The following MRPL1 variants were observed in gnomAD, a reference collection of about 807,000 sequenced individuals.
The protein encoded by MRPL1 is mitochondrial ribosomal protein L1.
Under a neutral mutation model 38.0 loss-of-function variants are expected in MRPL1, and 28 were observed. That is an observed-to-expected ratio of 0.74 (90% CI 0.55 to 1.01). The LOEUF (loss-of-function observed/expected upper bound fraction) is 1.01. Ranked by LOEUF, MRPL1 falls within the 50% of genes least tolerant of loss-of-function variation. The pLI is 0.00. For missense variants in MRPL1, 358 were observed against 389.8 expected (o/e 0.92, Z 0.69); for synonymous variants, 123 against 126.7 (o/e 0.97, Z 0.20).
Position 77,864,269 on chromosome 4 carries a change from CTG to C in MRPL1, c.31+1392_31+1393del, listed in dbSNP as rs901255913. Among the ~76,000 whole-genome samples the C allele has an allele frequency of 6.6e-5, 10 of 152,248 alleles. 1 individual carries two copies. In the South Asian group the frequency reaches 1.9e-3, roughly 28 times the overall value. ...TTCTCTTGGCTTCTAGGATATCTCT[CTG>C]TTAATTGTCTTCCTATTTCATGTGT... On this transcript the variant is annotated intron_variant, in intron 1 of 8. Transcript: ENST00000315567.
intron 3 of MRPL1, 65 bp from the exon 4 acceptor site, chr4:77,885,191 A>T: frequency 8.4e-7 from 1 of 1,187,400 alleles, no homozygotes; most frequent in Non-Finnish European, 1.3e-6. Flanking sequence ...TTCTTGTTTT[A>T]TATAGAGTGT....
chr4:77,932,870 G>T (rs1271154227), intron 7 of MRPL1, among the ~76,000 whole-genome samples: 2 of 151,952 alleles, frequency 1.3e-5, no homozygotes, highest in Non-Finnish European at 2.9e-5. Context: ...TACTAAAAAG[G>T]TTGGGACCAC....
intron 6 of MRPL1, among the ~76,000 whole-genome samples, chr4:77,902,650 C>G (rs1024542394): frequency 6.6e-6 from 1 of 150,512 alleles, no homozygotes; most frequent in African/African-American, 2.4e-5. Flanking sequence ...AAAGGGAAGA[C>G]AGATTATTAA....
chr4:77,885,328 G>A lies in MRPL1; in HGVS notation c.475G>A (p.Val159Ile). The A allele has an allele frequency of 8.1e-6, 13 of 1,611,952 alleles. No homozygotes were observed. The highest frequency in any genetic ancestry group is 1.0e-5 in the Non-Finnish European group (12 of 1,178,074). The change falls in exon 4 of 9, where the codon GTA becomes ATA. Residue 159 changes from valine (V) to isoleucine (I), a missense_variant. Coordinates refer to ENST00000315567, the MANE Select transcript of MRPL1 (RefSeq NM_020236.4). ...TGCTTCCGAAATCAATAAAGTTGCT[G>A]TATTTACAGAGGTGAGTAACTTCCG... ...PFASEINKVA[V>I]FTENASEVKI... is the part of the protein sequence containing the mutation.
At chr4:77,869,907 G>A (rs1735235712) in intron 1 of MRPL1, among the ~76,000 whole-genome samples, 1 of 151,632 alleles carries the variant, frequency 6.6e-6, no homozygotes, top group African/African-American at 2.4e-5. Flanking sequence ...GTTTTTTTGA[G>A]ACAGGGTTCC....
chr4:77,867,746 CTTTTTTTTTTTTT>C lies in MRPL1; in HGVS notation c.32-3981_32-3969del, dbSNP rs71214374. 9.8e-5 allele frequency among the ~76,000 whole-genome samples: 9 copies of C among 92,040 alleles called. No individual in the cohort carries two copies. The East Asian group carries it at 2.1e-3, about 21-fold the overall frequency. The allele number at this position is 92,040 out of a possible 152,430, so 60.4% of individuals were successfully genotyped here. On this transcript the variant is annotated intron_variant, in intron 1 of 8. Coordinates refer to ENST00000315567, the MANE Select transcript of MRPL1 (RefSeq NM_020236.4). ...TACACCCAGCCTTGGATAGTTATTT[CTTTTTTTTTTTTT>C]TTTTTTTTTTTTTTTTAGACGGAGT...
rs563134675 is a variant in MRPL1, at chr4:77,883,431, T to C, written c.333T>C (p.Ile111=). Residue 111 remains isoleucine (I), a synonymous_variant, in exon 3 of 9, where the codon ATT becomes ATC. Transcript: ENST00000315567. ...TTCACTTACTTAAGAAATTTCAAAT[T>C]CTTGACTTTACTAGTCCAAAGCAAA... The part of the protein sequence containing the change: ...KAVHLLKKFQ[I]LDFTSPKQSV... 1.2e-6 allele frequency: 2 copies of C among 1,613,936 alleles called. No individual in the cohort carries two copies. Among genetic ancestry groups the C allele is most frequent in the South Asian group, 2.2e-5 (2 of 91,066 alleles).
At chr4:77,878,322 A>G (rs578246227) in intron 2 of MRPL1, among the ~76,000 whole-genome samples, 1 of 152,364 alleles carries the variant, frequency 6.6e-6, no homozygotes, top group African/African-American at 2.4e-5. Flanking sequence ...GTAAACCAGC[A>G]TCAGAGATGT....
At chr4:77,900,711 A>T (rs1736011958) in intron 6 of MRPL1, among the ~76,000 whole-genome samples, 1 of 152,184 alleles carries the variant, frequency 6.6e-6, no homozygotes, top group Non-Finnish European at 1.5e-5. Flanking sequence ...TGGAGATTAG[A>T]TTTTATCCTC....
chr4:77,886,789 C>CTTTTTT (rs71214375), intron 4 of MRPL1, among the ~76,000 whole-genome samples: 112 of 90,484 alleles, frequency 1.2e-3, no homozygotes, highest in Middle Eastern at 0.01. Context: ...TTTGCATTTT[C>CTTTTTT]TTTTTTTTTT....
At chr4:77,905,405 G>C (rs1475475729) in intron 6 of MRPL1, among the ~76,000 whole-genome samples, 1 of 147,320 alleles carries the variant, frequency 6.8e-6, no homozygotes, top group Non-Finnish European at 1.5e-5. Context: ...GCTGAGGCAG[G>C]AGAATTGCCT....
intron 3 of MRPL1, among the ~76,000 whole-genome samples, chr4:77,883,735 G>A (rs936615968): frequency 6.6e-6 from 1 of 151,784 alleles, no homozygotes; most frequent in Non-Finnish European, 1.5e-5. Context: ...GTTCTACCAC[G>A]CCCAGCTAAT....
At chr4:77,921,295 T>A (rs568782627) in intron 7 of MRPL1, among the ~76,000 whole-genome samples, 2 of 152,168 alleles carry the variant, frequency 1.3e-5, no homozygotes, top group Admixed American at 6.5e-5. Context: ...CTCAACTAGA[T>A]CACTTTCTAG....
At chr4:77,872,385 A>G (rs559459948) in intron 2 of MRPL1, among the ~76,000 whole-genome samples, 1 of 152,272 alleles carries the variant, frequency 6.6e-6, no homozygotes, top group African/African-American at 2.4e-5. Flanking sequence ...TATCCGTACT[A>G]TGATTACATA....
At chr4:77,936,000 T>G (rs1736965709) in intron 7 of MRPL1, among the ~76,000 whole-genome samples, 1 of 152,032 alleles carries the variant, frequency 6.6e-6, no homozygotes, top group South Asian at 2.1e-4. Context: ...TTAAATAATT[T>G]TAAATGCTAA....
At chr4:77,864,518 A>G (rs1735082065) in intron 1 of MRPL1, 1 of 152,214 alleles carries the variant, frequency 6.6e-6, no homozygotes, top group African/African-American at 2.4e-5. Flanking sequence ...TTCATAGTTC[A>G]AGAACACAGG....
intron 5 of MRPL1, among the ~76,000 whole-genome samples, chr4:77,892,175 A>G (rs561739964): frequency 6.7e-6 from 1 of 149,412 alleles, no homozygotes; most frequent in Admixed American, 6.7e-5. Context: ...CTTGTTGCCC[A>G]GTGGGGAGTG....
intron 7 of MRPL1, among the ~76,000 whole-genome samples, chr4:77,921,829 A>G (rs907691330): frequency 6.6e-6 from 1 of 151,396 alleles, no homozygotes; most frequent in Non-Finnish European, 1.5e-5. Context: ...AGACTTCAAG[A>G]TTCTGTGAAC....
At chr4:77,876,977 T>C (rs1191140369) in intron 2 of MRPL1, among the ~76,000 whole-genome samples, 2 of 152,230 alleles carry the variant, frequency 1.3e-5, no homozygotes, top group Non-Finnish European at 2.9e-5. Context: ...CTTGGCTTAC[T>C]GCAACTTCCG....
Sources: gnomAD v4.1 joint callset for allele counts (sites outside exome capture counted in the v4.1 genomes callset) on GRCh38, gnomAD v4.1.1 for gene constraint, MANE v1.5 for transcripts, NCBI Gene and HGNC (gene_info 2026-07-23, HGNC 2026-07-21) for gene names.